Variants in CA6 observed in about 807,000 individuals in gnomAD.
The protein encoded by CA6 is carbonic anhydrase 6.
CA6 carries 28 observed loss-of-function variants against 35.9 expected under a neutral mutation model. The observed-to-expected ratio is 0.78, with a 90% confidence interval of 0.58 to 1.07. The LOEUF (loss-of-function observed/expected upper bound fraction) is 1.07. CA6 is among the 50% of genes least tolerant of loss of function. The pLI, the probability that CA6 is intolerant of heterozygous loss-of-function variation, is 0.00. For synonymous variants in CA6, 148 were observed against 152.6 expected (o/e 0.97, Z 0.22); for missense variants, 377 against 382.0 (o/e 0.99, Z 0.11).
chr1:8,946,323 C>T (rs1354837372), intron 1 of CA6, among the ~76,000 whole-genome samples: 3 of 151,456 alleles, frequency 2.0e-5, no homozygotes, highest in African/African-American at 4.9e-5. Flanking sequence ...TGAGCCATTG[C>T]GCCCGGCCAA....
In CA6 at chr1:8,958,902, T is replaced by G. The variant is rs1266030602; in HGVS notation, c.409-8T>G. ...CTGCCCTTGACCCACTCTACCTTGC[T>G]CTTACAGATTCACATTGTTCACTAC... On this transcript the variant is annotated splice_region_variant and splice_polypyrimidine_tract_variant and intron_variant, in intron 3 of 7. Transcript: ENST00000377443. 2.0e-6 allele frequency: 3 copies of G among 1,523,050 alleles called. No homozygotes were observed. The African/African-American group carries it at 4.1e-5, about 21-fold the overall frequency. 94.3% of individuals were successfully genotyped at this position (1,523,050 alleles called of 1,614,324 possible). A position where few individuals can be genotyped will look rare whatever the true frequency, so the allele number is the denominator to read the frequency against.
At position 8,959,005 on chromosome 1, in the gene CA6, A is replaced by C. The variant is rs766486431; in HGVS notation, c.501+3A>C. 7 of 1,571,944 alleles carry C rather than the reference A, an allele frequency of 4.5e-6. No individual in the cohort carries two copies. In the East Asian group the frequency reaches 1.6e-4, roughly 35 times the overall value. ...CTGTACTGGCAGCCTTCGTTGAGGT[A>C]AGCAGAAACTACCCATGTGTGTCTG... On this transcript the variant is annotated splice_donor_region_variant and intron_variant, in intron 4 of 7. Transcript: ENST00000377443.
intron 4 of CA6, among the ~76,000 whole-genome samples, chr1:8,960,743 AACACACACACACACACACAC>A (rs113532929): frequency 1.8e-5 from 2 of 108,984 alleles, no homozygotes; most frequent in African/African-American, 7.7e-5. Flanking sequence ...CAAGTATAGC[AACACACACACACACACACAC>A]ACACACACAC....
intron 4 of CA6, among the ~76,000 whole-genome samples, chr1:8,959,377 C>T (rs1294713456): frequency 6.6e-6 from 1 of 150,854 alleles, no homozygotes; most frequent in East Asian, 2.0e-4. Context: ...TGCAGTGGCA[C>T]AATCTCGGCT....
At chr1:8,953,112 T>C (rs1639584446) in intron 2 of CA6, among the ~76,000 whole-genome samples, 1 of 152,224 alleles carries the variant, frequency 6.6e-6, no homozygotes, top group African/African-American at 2.4e-5. Context: ...CAAAATGTCA[T>C]ATGGTTGGAA....
intron 7 of CA6, among the ~76,000 whole-genome samples, chr1:8,973,713 T>C (rs1553164132): frequency 1.2e-4 from 1 of 8,230 alleles, no homozygotes; most frequent in South Asian, 5.7e-3. Flanking sequence ...TTTCTCTCTC[T>C]TTCTTTCTTT....
At chr1:8,961,148 C>T (rs187867184) in intron 4 of CA6, among the ~76,000 whole-genome samples, 47 of 152,160 alleles carry the variant, frequency 3.1e-4, no homozygotes, top group African/African-American at 9.2e-4. Context: ...CCCAGATATA[C>T]GAAAACCAGT....
chr1:8,949,119 C>T (rs1380187212), intron 1 of CA6, 144 bp from the exon 2 acceptor site: 1 of 562,852 alleles, frequency 1.8e-6, no homozygotes, highest in Non-Finnish European at 3.0e-6. Context: ...TGGCCTCCTT[C>T]TGGGGGACCT....
At chr1:8,964,340 C>T (rs535531384) in intron 5 of CA6, among the ~76,000 whole-genome samples, 5 of 152,140 alleles carry the variant, frequency 3.3e-5, no homozygotes, top group Non-Finnish European at 7.4e-5. Flanking sequence ...CTCCGCCTCC[C>T]GGGTTGAAGT....
At chr1:8,951,636 C>T in intron 2 of CA6, 1 of 765,226 alleles carries the variant, frequency 1.3e-6, no homozygotes, top group Non-Finnish European at 2.4e-6. Context: ...AAGAGCCCAG[C>T]TTCCCAAGGG....
chr1:8,973,770 TTCTTTCTTTCTTTC>T (rs1376195898), intron 7 of CA6, among the ~76,000 whole-genome samples: 1 of 19,726 alleles, frequency 5.1e-5, no homozygotes, highest in Non-Finnish European at 7.8e-5. Context: ...CTTTCTTTCT[TTCTTTCTTTCTTTC>T]TTTTCCCTCC....
In CA6 at chr1:8,957,166, A is replaced by G; in HGVS notation, c.289A>G (p.Met97Val). ...VQISLPSTMR[M>V]TVADGTVYIA... ...GATCAGCCTGCCCTCCACCATGCGC[A>G]TGACAGTGGCTGACGGCACTGTATA... Residue 97 changes from methionine (M) to valine (V), a missense_variant, in exon 3 of 8, where the codon ATG (methionine) becomes GTG (valine). Physicochemically the swap from Met to Val is conservative, Grantham distance 21. Coordinates refer to ENST00000377443, the MANE Select transcript of CA6 (RefSeq NM_001215.4). The G allele has an allele frequency of 1.9e-6, 3 of 1,613,420 alleles. No individual in the cohort carries two copies. The highest frequency in any genetic ancestry group is 2.5e-6 in the Non-Finnish European group (3 of 1,179,636).
intron 7 of CA6, among the ~76,000 whole-genome samples, chr1:8,973,798 C>CCTCT (rs59202016): frequency 7.5e-5 from 9 of 119,636 alleles, no homozygotes; most frequent in Admixed American, 2.6e-4. Context: ...TCCCTCCCTC[C>CCTCT]CTCTCTCTCT....
At chr1:8,967,944 T>C in intron 6 of CA6, 128 bp downstream of exon 6, 2 of 690,212 alleles carry the variant, frequency 2.9e-6, no homozygotes, top group Non-Finnish European at 4.7e-6. Context: ...GCAGGGCTAC[T>C]GTGCCTCGTC....
Position 8,973,712 on chromosome 1 carries a change from CTTTCTTTCTTTCTT to C in CA6, c.845-908_845-895del, listed in dbSNP as rs1297773359. On this transcript the variant is annotated intron_variant, in intron 7 of 7. Transcript: ENST00000377443. The stretch of plus-strand genomic sequence containing the variant: ...CAGGCCTGGATTTTTCTTTCTCTCT[CTTTCTTTCTTTCTT>C]TCTTTCTTTCTTTCTTTCTTTCTTT... Among the ~76,000 whole-genome samples, 111 of 71,434 alleles carry C rather than the reference CTTTCTTTCTTTCTT, an allele frequency of 1.6e-3. 4 individuals are homozygous for C. The highest frequency in any genetic ancestry group is 6.3e-3 in the Middle Eastern group (1 of 158). The allele number at this position is 71,434 out of a possible 152,430, so 46.9% of individuals were successfully genotyped here.
intron 2 of CA6, among the ~76,000 whole-genome samples, chr1:8,950,544 A>G (rs115923960): frequency 6.6e-6 from 1 of 152,068 alleles, no homozygotes; most frequent in African/African-American, 2.4e-5. Flanking sequence ...GGGTTGAGAT[A>G]CATCCCTGCC....
In CA6 at chr1:8,956,151, A is replaced by T. The variant is rs540424138; in HGVS notation, c.260-986A>T. Among the ~76,000 whole-genome samples, 12 of 152,200 alleles carry T rather than the reference A, an allele frequency of 7.9e-5. No individual in the cohort carries two copies. In the South Asian group the frequency reaches 2.5e-3, roughly 32 times the overall value. On this transcript the variant is annotated intron_variant, in intron 2 of 7. Coordinates refer to ENST00000377443, the MANE Select transcript of CA6 (RefSeq NM_001215.4). Reference sequence around the variant, plus strand: ...GGCAGGAGAATTGCTTGAACCCAGGAGGCGGAGGTTGCAGTGAGCCTAGAT... The same window carrying T: ...GGCAGGAGAATTGCTTGAACCCAGGTGGCGGAGGTTGCAGTGAGCCTAGAT...
intron 7 of CA6, among the ~76,000 whole-genome samples, chr1:8,973,379 A>G (rs968145161): frequency 2.0e-5 from 3 of 152,126 alleles, no homozygotes; most frequent in African/African-American, 7.2e-5. Context: ...ATTTTACGCT[A>G]TTCTTGCAAT....
In CA6 at chr1:8,974,534, C is replaced by T. The variant is rs371826757; in HGVS notation, c.845-88C>T. 2,263 of 1,411,194 alleles carry T rather than the reference C, an allele frequency of 1.6e-3. 54 individuals are homozygous for T. In the South Asian group the frequency reaches 0.027, roughly 17 times the overall value. The allele number at this position is 1,411,194 out of a possible 1,614,324, so 87.4% of individuals were successfully genotyped here. Reference sequence around the variant, plus strand: ...CAAAAGACTTCCCAAAAATACGATGCGGGTATGGTGTCTGGCCGTCCCCCT... The same window carrying T: ...CAAAAGACTTCCCAAAAATACGATGTGGGTATGGTGTCTGGCCGTCCCCCT... On this transcript the variant is annotated intron_variant, in intron 7 of 7. Coordinates refer to ENST00000377443, the MANE Select transcript of CA6 (RefSeq NM_001215.4).
Sources: allele counts gnomAD v4.1 joint callset (sites outside exome capture counted in the v4.1 genomes callset), GRCh38; gene constraint gnomAD v4.1.1; transcripts MANE v1.5; gene names NCBI Gene and HGNC (gene_info 2026-07-23, HGNC 2026-07-21).